The following ARB2A variants were observed in gnomAD, a reference collection of about 807,000 sequenced individuals.
ARB2A encodes cotranscriptional regulator ARB2A.
At chr5:93,875,133 C>A in the ARB2A span, among the ~76,000 whole-genome samples, 1 of 152,136 alleles carries the variant, frequency 6.6e-6, no homozygotes, top group African/African-American at 2.4e-5. Flanking sequence ...CATATATTAT[C>A]ATCATTCTAC....
At chr5:93,653,553 A>AAAAAC in the ARB2A span, among the ~76,000 whole-genome samples, 2 of 130,070 alleles carry the variant, frequency 1.5e-5, no homozygotes, top group African/African-American at 6.1e-5. Context: ...AAAAAAAAAA[A>AAAAAC]AAAGACATTA....
At chr5:93,723,342 CTGGTATTGT>C in the ARB2A span, among the ~76,000 whole-genome samples, 1 of 152,118 alleles carries the variant, frequency 6.6e-6, no homozygotes, top group East Asian at 1.9e-4. Context: ...TACAGCTTAA[CTGGTATTGT>C]TGGCACCAGT....
At chr5:93,670,337 A>G in the ARB2A span, among the ~76,000 whole-genome samples, 3 of 152,228 alleles carry the variant, frequency 2.0e-5, no homozygotes, top group African/African-American at 7.2e-5. Context: ...TTGGACTCCA[A>G]GGCTCCAAGG....
chr5:93,776,220 G>C, the ARB2A span: 1 of 1,611,532 alleles, frequency 6.2e-7, no homozygotes, highest in Non-Finnish European at 8.5e-7. Flanking sequence ...ATGGTTCTGA[G>C]CTAGAGACCC....
chr5:93,684,176 G>C, the ARB2A span, among the ~76,000 whole-genome samples: 3 of 152,126 alleles, frequency 2.0e-5, no homozygotes, highest in Non-Finnish European at 2.9e-5. Context: ...ATGGGTAGCT[G>C]GAACATATGC....
At chr5:93,718,227 G>T in the ARB2A span, among the ~76,000 whole-genome samples, 1 of 152,030 alleles carries the variant, frequency 6.6e-6, no homozygotes, top group East Asian at 2.0e-4. Context: ...AGATCACGAG[G>T]TCAAGAGATC....
At chr5:93,717,479 G>T in the ARB2A span, among the ~76,000 whole-genome samples, 1 of 149,644 alleles carries the variant, frequency 6.7e-6, no homozygotes, top group African/African-American at 2.5e-5. Context: ...GGAAGAGTTG[G>T]CTTTGGAATC....
At chr5:93,904,576 C>T in the ARB2A span, among the ~76,000 whole-genome samples, 1 of 151,674 alleles carries the variant, frequency 6.6e-6, no homozygotes, top group African/African-American at 2.4e-5. Context: ...TTACTCTTAC[C>T]TCCTTAAAAT....
At chr5:93,758,035 G>C in the ARB2A span, among the ~76,000 whole-genome samples, 1 of 152,072 alleles carries the variant, frequency 6.6e-6, no homozygotes, top group Non-Finnish European at 1.5e-5. Context: ...ATAAACTTAA[G>C]TAAAGGGGTA....
chr5:94,094,283 G>A, the ARB2A span, among the ~76,000 whole-genome samples: 7 of 152,128 alleles, frequency 4.6e-5, no homozygotes, highest in Non-Finnish European at 8.8e-5. Flanking sequence ...TCTTTTCCTG[G>A]TTTGCAGATT....
At chr5:93,814,398 G>A in the ARB2A span, among the ~76,000 whole-genome samples, 1 of 152,228 alleles carries the variant, frequency 6.6e-6, no homozygotes, top group South Asian at 2.1e-4. Context: ...ATAGGAGACT[G>A]AGGCTGAGAA....
the ARB2A span, among the ~76,000 whole-genome samples, chr5:93,744,460 A>AAAAAAG: frequency 6.6e-6 from 1 of 150,854 alleles, no homozygotes; most frequent in African/African-American, 2.4e-5. Flanking sequence ...AAAAAAAAAA[A>AAAAAAG]AAAAGTAAGG....
the ARB2A span, among the ~76,000 whole-genome samples, chr5:93,799,380 C>T: frequency 8.5e-5 from 13 of 152,170 alleles, no homozygotes; most frequent in South Asian, 2.5e-3. Context: ...AAGACTCTTA[C>T]GAAGCTGTCT....
chr5:93,655,610 G>C, the ARB2A span, among the ~76,000 whole-genome samples: 1 of 152,176 alleles, frequency 6.6e-6, no homozygotes, highest in African/African-American at 2.4e-5. Context: ...GCAAGGGAAA[G>C]AGCAAGACAT....
the ARB2A span, among the ~76,000 whole-genome samples, chr5:93,943,860 A>C: frequency 6.6e-6 from 1 of 152,188 alleles, no homozygotes; most frequent in African/African-American, 2.4e-5. Context: ...TCATCAAAAA[A>C]CGGGGAAAAA....
the ARB2A span, among the ~76,000 whole-genome samples, chr5:93,834,777 C>T: frequency 6.6e-6 from 1 of 152,136 alleles, no homozygotes; most frequent in East Asian, 1.9e-4. Context: ...CCACAGTCCA[C>T]ATTGTGTCTA....
At chr5:93,943,577 G>A in the ARB2A span, among the ~76,000 whole-genome samples, 2 of 151,806 alleles carry the variant, frequency 1.3e-5, no homozygotes, top group African/African-American at 4.8e-5. Flanking sequence ...TTTTATTTTC[G>A]TATTATTATC....
the ARB2A span, among the ~76,000 whole-genome samples, chr5:93,976,140 G>T: frequency 1.4e-4 from 21 of 151,844 alleles, no homozygotes; most frequent in African/African-American, 4.6e-4. Context: ...AAACAAAAAC[G>T]ATTTTTTGTT....
the ARB2A span, among the ~76,000 whole-genome samples, chr5:93,907,296 G>T: frequency 6.6e-6 from 1 of 151,384 alleles, no homozygotes; most frequent in African/African-American, 2.4e-5. Flanking sequence ...ATGAGTTACA[G>T]AAATAAAATC....
Sources: gnomAD v4.1 joint callset for allele counts (sites outside exome capture counted in the v4.1 genomes callset) on GRCh38, gnomAD v4.1.1 for gene constraint, MANE v1.5 for transcripts, NCBI Gene and HGNC (gene_info 2026-07-23, HGNC 2026-07-21) for gene names.